The following MALRD1 variants were observed in gnomAD, a reference collection of about 807,000 sequenced individuals.
MALRD1 encodes MAM and LDL receptor class A domain containing 1, also known as MAM and LDL-receptor class A domain-containing protein 1.
A neutral mutation model predicts 242.1 loss-of-function variants in MALRD1; 247 were observed. That is an observed-to-expected ratio of 1.02 (90% CI 0.92 to 1.13). MALRD1 has a LOEUF of 1.13. Ranked by LOEUF, MALRD1 falls within the 50% of genes most tolerant of loss-of-function variation. The pLI, the probability that MALRD1 is intolerant of heterozygous loss-of-function variation, is 0.00. For synonymous variants in MALRD1, 995 were observed against 866.6 expected (o/e 1.15, Z -2.60); for missense variants, 2,989 against 2,533.1 (o/e 1.18, Z -3.86).
At chr10:19,724,990 A>G (rs1473340766) in intron 38 of MALRD1, 2 of 152,222 alleles carry the variant, frequency 1.3e-5, no homozygotes, top group Admixed American at 1.3e-4. Context: ...ATCTAAAAGA[A>G]TAAAATACCT....
intron 16 of MALRD1, 43 bp downstream of exon 16, chr10:19,204,456 C>A: frequency 7.4e-7 from 1 of 1,359,278 alleles, no homozygotes; most frequent in Non-Finnish European, 1.0e-6. Flanking sequence ...AACAGTTCAC[C>A]CTGGTGGTGA....
intron 28 of MALRD1, among the ~76,000 whole-genome samples, chr10:19,423,814 A>T (rs537358792): frequency 6.6e-6 from 1 of 152,308 alleles, no homozygotes; most frequent in South Asian, 2.1e-4. Context: ...AACAGCCAGG[A>T]TGCAGCAGGG....
chr10:19,531,588 A>G (rs1834419791), intron 32 of MALRD1, among the ~76,000 whole-genome samples: 1 of 152,156 alleles, frequency 6.6e-6, no homozygotes, highest in Admixed American at 6.5e-5. Flanking sequence ...GTTGTATGGT[A>G]TTTAAAAGAT....
At chr10:19,606,292 A>G (rs1344185112) in intron 34 of MALRD1, among the ~76,000 whole-genome samples, 2 of 152,134 alleles carry the variant, frequency 1.3e-5, no homozygotes, top group African/African-American at 2.4e-5. Context: ...GTCTTTATTC[A>G]TGTGCAAGGA....
At chr10:19,715,659 A>G (rs1487614027) in intron 38 of MALRD1, among the ~76,000 whole-genome samples, 1 of 152,182 alleles carries the variant, frequency 6.6e-6, no homozygotes, top group Non-Finnish European at 1.5e-5. Context: ...AGGGTGGGTA[A>G]TTTATAAAGA....
chr10:19,643,365 G>C (rs947544453), intron 36 of MALRD1, among the ~76,000 whole-genome samples: 1 of 152,152 alleles, frequency 6.6e-6, no homozygotes, highest in African/African-American at 2.4e-5. Context: ...AGAATCGCTT[G>C]AACCTGGGAG....
intron 28 of MALRD1, among the ~76,000 whole-genome samples, chr10:19,399,131 G>A (rs4748577): frequency 0.87 from 132,026 of 152,228 alleles, 57,591 homozygotes; most frequent in African/African-American, 0.91. Context: ...CTAGTTTAAA[G>A]TGTGGCTTCA....
At chr10:19,289,118 A>G (rs1276637574) in intron 21 of MALRD1, among the ~76,000 whole-genome samples, 1 of 152,094 alleles carries the variant, frequency 6.6e-6, no homozygotes, top group Admixed American at 6.6e-5. Flanking sequence ...CAAAAAAAGC[A>G]AAGGACACTT....
chr10:19,300,640 G>T (rs887141197), intron 21 of MALRD1, among the ~76,000 whole-genome samples: 1 of 151,946 alleles, frequency 6.6e-6, no homozygotes, highest in Non-Finnish European at 1.5e-5. Context: ...ACAATGCTGG[G>T]ATAACTGGCT....
intron 29 of MALRD1, among the ~76,000 whole-genome samples, chr10:19,471,272 T>A (rs1433902768): frequency 6.6e-6 from 1 of 151,946 alleles, no homozygotes; most frequent in Non-Finnish European, 1.5e-5. Context: ...GGCTCTTGAT[T>A]ATGTTCCATT....
intron 7 of MALRD1, among the ~76,000 whole-genome samples, chr10:19,126,749 A>G (rs1056347290): frequency 6.6e-6 from 1 of 151,202 alleles, no homozygotes; most frequent in African/African-American, 2.4e-5. Context: ...TAATATTATT[A>G]TTATGGTTAT....
intron 20 of MALRD1, among the ~76,000 whole-genome samples, chr10:19,282,639 G>A (rs1424478127): frequency 6.6e-6 from 1 of 152,108 alleles, no homozygotes; most frequent in East Asian, 1.9e-4. Context: ...CTGAAGTTGG[G>A]AATTAGCAAT....
At chr10:19,505,970 G>A (rs1337354247) in intron 31 of MALRD1, among the ~76,000 whole-genome samples, 3 of 152,142 alleles carry the variant, frequency 2.0e-5, no homozygotes, top group Non-Finnish European at 4.4e-5. Context: ...ACTAATAGCT[G>A]GGTCCCACCC....
intron 32 of MALRD1, among the ~76,000 whole-genome samples, chr10:19,545,047 C>T (rs1835151244): frequency 6.6e-6 from 1 of 152,122 alleles, no homozygotes; most frequent in African/African-American, 2.4e-5. Context: ...GGCTGGAGGT[C>T]CAAGATCAAG....
Position 19,073,614 on chromosome 10 carries a change from T to C in MALRD1, c.340+6755T>C, listed in dbSNP as rs1023734788. On this transcript the variant is annotated intron_variant, in intron 2 of 39. Coordinates refer to ENST00000454679, the MANE Select transcript of MALRD1 (RefSeq NM_001142308.3). The stretch of plus-strand genomic sequence containing the variant: ...TTACCTTCAGGTTATGTGAATAAGG[T>C]GTATATGAAACATAAATGAATTTTA... Among the ~76,000 whole-genome samples the C allele has an allele frequency of 2.6e-5, 4 of 152,244 alleles. No homozygotes were observed. In the East Asian group the frequency reaches 7.7e-4, roughly 29 times the overall value.
intron 29 of MALRD1, among the ~76,000 whole-genome samples, chr10:19,485,965 ATATT>A (rs1452949103): frequency 6.6e-6 from 1 of 152,100 alleles, no homozygotes; most frequent in Non-Finnish European, 1.5e-5. Flanking sequence ...ATCAGACAAA[ATATT>A]TATGATATGA....
At chr10:19,134,765 G>C (rs1037780645) in intron 9 of MALRD1, among the ~76,000 whole-genome samples, 3 of 152,096 alleles carry the variant, frequency 2.0e-5, no homozygotes, top group African/African-American at 7.2e-5. Flanking sequence ...ATTAAATTTT[G>C]TTTTAACTCA....
chr10:19,125,426 T>C lies in MALRD1; in HGVS notation c.943+756T>C, dbSNP rs564977924. ...CCATCCATGCTTCCTTCCTTCCTTC[T>C]TTCTTTCTTTCTTTCTCTCTTTCAA... On this transcript the variant is annotated intron_variant, in intron 7 of 39. Coordinates refer to ENST00000454679, the MANE Select transcript of MALRD1 (RefSeq NM_001142308.3). 8.3e-4 allele frequency among the ~76,000 whole-genome samples: 104 copies of C among 125,338 alleles called. 1 individual carries two copies. The highest frequency in any genetic ancestry group is 3.0e-3 in the African/African-American group (92 of 31,126). The allele number at this position is 125,338 out of a possible 152,430, so 82.2% of individuals were successfully genotyped here.
chr10:19,210,197 A>C (rs1041328274), intron 18 of MALRD1, among the ~76,000 whole-genome samples: 31 of 152,192 alleles, frequency 2.0e-4, no homozygotes, highest in African/African-American at 7.2e-4. Context: ...GCTGTTTTCT[A>C]AAAGTCAGTC....
Sources: gnomAD v4.1 joint callset for allele counts (sites outside exome capture counted in the v4.1 genomes callset) on GRCh38, gnomAD v4.1.1 for gene constraint, MANE v1.5 for transcripts, NCBI Gene and HGNC (gene_info 2026-07-23, HGNC 2026-07-21) for gene names.